The following GTF2A1 variants were observed in gnomAD, a reference collection of about 807,000 sequenced individuals.
GTF2A1 encodes transcription initiation factor IIA subunit 1.
GTF2A1 carries 12 observed loss-of-function variants against 54.1 expected under a neutral mutation model. That is an observed-to-expected ratio of 0.22 (90% confidence interval 0.14 to 0.36). GTF2A1 has a LOEUF of 0.36. Ranked by LOEUF, GTF2A1 falls within the 10% of genes least tolerant of loss-of-function variation. GTF2A1 has a pLI of 1.00. For missense variants in GTF2A1, 335 were observed against 442.2 expected, an observed-to-expected ratio of 0.76 and a Z score of 2.17; for synonymous variants, 145 against 152.0, an observed-to-expected ratio of 0.95 and a Z score of 0.34.
rs749230997 is a variant in GTF2A1, at chr14:81,196,257, T to C, written c.479-16A>G. 1.2e-6 allele frequency: 2 copies of C among 1,613,918 alleles called. No individual in the cohort carries two copies. Among genetic ancestry groups the C allele is most frequent in the Non-Finnish European group, 8.5e-7 (1 of 1,179,812 alleles). ...AGAAGCTGGCCTAAAGCAAAAAGCA[T>C]GCATTCCGAGTTATCATTTTAGCAG... On this transcript the variant is annotated splice_polypyrimidine_tract_variant and intron_variant, in intron 5 of 8. Transcript: ENST00000553612.
At chr14:81,219,006 C>T (rs1893546532) in intron 1 of GTF2A1, among the ~76,000 whole-genome samples, 1 of 151,886 alleles carries the variant, frequency 6.6e-6, no homozygotes, top group Admixed American at 6.6e-5. Context: ...ACTACCAAAA[C>T]CAAGTCCTCT....
At chr14:81,204,261 TAAC>T in intron 2 of GTF2A1, 157 bp from the exon 3 acceptor site, 2 of 764,028 alleles carry the variant, frequency 2.6e-6, no homozygotes, top group Non-Finnish European at 4.7e-6. Flanking sequence ...AGTGAAACAA[TAAC>T]AAAAACAAAA....
intron 7 of GTF2A1, 34 bp from the exon 8 acceptor site, chr14:81,185,654 G>T: frequency 8.5e-7 from 1 of 1,176,094 alleles, no homozygotes; most frequent in Non-Finnish European, 1.3e-6. Flanking sequence ...ATTACTATAA[G>T]AAGGCCTTAA....
chr14:81,186,720 G>A (rs983532770), intron 7 of GTF2A1, among the ~76,000 whole-genome samples: 8 of 152,028 alleles, frequency 5.3e-5, no homozygotes, highest in Admixed American at 2.6e-4. Flanking sequence ...TGGCCTAGGC[G>A]GGACAATCAC....
chr14:81,214,982 CA>C (rs1253791541), intron 2 of GTF2A1, among the ~76,000 whole-genome samples: 1 of 152,130 alleles, frequency 6.6e-6, no homozygotes, highest in Non-Finnish European at 1.5e-5. Flanking sequence ...TTTTAAGTGA[CA>C]GTTTCTTAAT....
intron 2 of GTF2A1, among the ~76,000 whole-genome samples, chr14:81,213,559 A>G (rs935054628): frequency 7.2e-5 from 11 of 152,212 alleles, no homozygotes; most frequent in African/African-American, 2.7e-4. Flanking sequence ...TTATAAAAGT[A>G]TAACATAAAT....
chr14:81,200,763 T>C (rs549886927), intron 4 of GTF2A1, among the ~76,000 whole-genome samples: 1 of 151,726 alleles, frequency 6.6e-6, no homozygotes, highest in Admixed American at 6.6e-5. Flanking sequence ...AAGAATGAAA[T>C]GTAAGAGCTG....
chr14:81,218,568 CAA>C (rs781301256), intron 1 of GTF2A1, among the ~76,000 whole-genome samples: 16 of 152,192 alleles, frequency 1.1e-4, no homozygotes, highest in Middle Eastern at 3.4e-3. Context: ...ATACTTGAGG[CAA>C]AGTTTCTTTC....
At position 81,209,072 on chromosome 14, in the gene GTF2A1, A is replaced by G. The variant is rs554716140; in HGVS notation, c.133-4968T>C. The stretch of plus-strand genomic sequence containing the variant: ...GGGAAGGTACGATTGGTTTTGAAAT[A>G]TGACGACATGAGATTTGGAGGGCCA... On this transcript the variant is annotated intron_variant, in intron 2 of 8. Coordinates refer to ENST00000553612, the MANE Select transcript of GTF2A1 (RefSeq NM_015859.4). 2.6e-5 allele frequency among the ~76,000 whole-genome samples: 4 copies of G among 152,264 alleles called. No individual in the cohort carries two copies. In the East Asian group the frequency reaches 7.7e-4, roughly 29 times the overall value.
In GTF2A1 at chr14:81,184,189, T is replaced by C. The variant is rs1892693767; in HGVS notation, c.1023+1342A>G. ...GGAGAATACAACCATTGTCTTAAAG[T>C]AGGAAGACACTTAAAAGTATATTCT... On this transcript the variant is annotated intron_variant, in intron 8 of 8. Coordinates refer to ENST00000553612, the MANE Select transcript of GTF2A1 (RefSeq NM_015859.4). Among the ~76,000 whole-genome samples the C allele has an allele frequency of 2.6e-5, 4 of 152,268 alleles. No individual in the cohort carries two copies. In the South Asian group the frequency reaches 8.3e-4, roughly 32 times the overall value.
At chr14:81,195,632 G>GAAAAA (rs34366586) in intron 6 of GTF2A1, among the ~76,000 whole-genome samples, 1 of 118,538 alleles carries the variant, frequency 8.4e-6, no homozygotes. Context: ...ACTCTGTCTC[G>GAAAAA]AAAAAAAAAA....
chr14:81,221,211 GC>G (rs997679558), upstream of GTF2A1: 6 of 152,338 alleles, frequency 3.9e-5, no homozygotes, highest in Admixed American at 2.0e-4. Context: ...GCAGTTCTTT[GC>G]GGTGAAGAAC....
intron 7 of GTF2A1, among the ~76,000 whole-genome samples, chr14:81,188,024 A>C (rs549561134): frequency 4.6e-5 from 7 of 152,298 alleles, no homozygotes; most frequent in African/African-American, 1.7e-4. Context: ...CTATTCTAGA[A>C]GGTGTAAAGT....
At chr14:81,199,217 A>G (rs1893053169) in intron 4 of GTF2A1, among the ~76,000 whole-genome samples, 2 of 152,218 alleles carry the variant, frequency 1.3e-5, no homozygotes, top group Non-Finnish European at 2.9e-5. Context: ...AGTAGTTTCC[A>G]TATAGAATAC....
At chr14:81,214,900 CT>C (rs1345788621) in intron 2 of GTF2A1, among the ~76,000 whole-genome samples, 7 of 152,086 alleles carry the variant, frequency 4.6e-5, no homozygotes, top group Non-Finnish European at 7.4e-5. Context: ...CCTGTTTTTG[CT>C]TTGTTTTGGT....
At chr14:81,204,775 C>T (rs949107496) in intron 2 of GTF2A1, among the ~76,000 whole-genome samples, 5 of 152,146 alleles carry the variant, frequency 3.3e-5, no homozygotes, top group African/African-American at 1.2e-4. Flanking sequence ...TCTCATTTCA[C>T]CTTAGGTTCT....
At chr14:81,220,172 CCCGGCGGCCGGGT>C (rs1363304777) in intron 1 of GTF2A1, among the ~76,000 whole-genome samples, 2 of 148,424 alleles carry the variant, frequency 1.3e-5, no homozygotes, top group African/African-American at 4.9e-5. Flanking sequence ...CGCCCTCCCT[CCCGGCGGCCGGGT>C]TCTGGGGCCG....
At chr14:81,192,234 CAG>C (rs1892890320) in intron 7 of GTF2A1, among the ~76,000 whole-genome samples, 2 of 152,130 alleles carry the variant, frequency 1.3e-5, no homozygotes, top group African/African-American at 4.8e-5. Context: ...ATGCGTAAGC[CAG>C]AGTTAGAATT....
chr14:81,215,789 A>C lies in GTF2A1; in HGVS notation c.132+624T>G, dbSNP rs184382960. On this transcript the variant is annotated intron_variant, in intron 2 of 8. Transcript: ENST00000553612. ...TGTGGCTCACACCCATAATCCTATC[A>C]CTTTGGGAGGCCGAGGCGGGAGGAT... Among the ~76,000 whole-genome samples, 215 of 152,334 alleles carry C rather than the reference A, an allele frequency of 1.4e-3. 1 individual carries two copies. The highest frequency in any genetic ancestry group is 5.1e-3 in the African/African-American group (210 of 41,576).
Sources: gnomAD v4.1 joint callset for allele counts (sites outside exome capture counted in the v4.1 genomes callset) on GRCh38, gnomAD v4.1.1 for gene constraint, MANE v1.5 for transcripts, NCBI Gene and HGNC (gene_info 2026-07-23, HGNC 2026-07-21) for gene names.